The following RBFOX1 variants were observed in gnomAD, a reference collection of about 807,000 sequenced individuals.
RBFOX1 encodes the protein RNA binding fox-1 homolog 1, also known as RNA binding protein fox-1 homolog 1.
RBFOX1 carries 8 observed loss-of-function variants against 57.7 expected under a neutral mutation model. The observed-to-expected ratio is 0.14, with a 90% CI of 0.08 to 0.25. The LOEUF (loss-of-function observed/expected upper bound fraction) is 0.25. RBFOX1 is among the 10% of genes least tolerant of loss of function. The pLI, the probability that RBFOX1 is intolerant of heterozygous loss-of-function variation, is 1.00. For synonymous variants in RBFOX1, 326 were observed against 222.4 expected, an observed-to-expected ratio of 1.47 and a Z score of -4.15; for missense variants, 611 against 548.5, an observed-to-expected ratio of 1.11 and a Z score of -1.14.
At chr16:7,103,180 T>A (rs970035650) in intron 4 of RBFOX1, among the ~76,000 whole-genome samples, 2 of 152,168 alleles carry the variant, frequency 1.3e-5, no homozygotes, top group Non-Finnish European at 2.9e-5. Flanking sequence ...CACATTTCTT[T>A]CCAAGTTGTG....
chr16:5,554,129 C>A (rs577298566), intron 2 of RBFOX1, among the ~76,000 whole-genome samples: 1 of 152,042 alleles, frequency 6.6e-6, no homozygotes, highest in African/African-American at 2.4e-5. Flanking sequence ...CACCACCATG[C>A]CTGATTAATT....
At chr16:7,110,826 A>G (rs2064597354) in intron 4 of RBFOX1, among the ~76,000 whole-genome samples, 1 of 152,164 alleles carries the variant, frequency 6.6e-6, no homozygotes, top group Admixed American at 6.5e-5. Flanking sequence ...ATGTCTGTCT[A>G]TATTTATTCT....
At chr16:7,023,923 T>C (rs2040107348) in intron 3 of RBFOX1, among the ~76,000 whole-genome samples, 1 of 152,138 alleles carries the variant, frequency 6.6e-6, no homozygotes, top group African/African-American at 2.4e-5. Flanking sequence ...CAAGGAAGAC[T>C]CCCTGCTTTT....
At chr16:6,903,608 G>A (rs1178074948) in intron 3 of RBFOX1, among the ~76,000 whole-genome samples, 2 of 152,182 alleles carry the variant, frequency 1.3e-5, no homozygotes, top group Admixed American at 6.5e-5. Context: ...GGAGGTTTCA[G>A]TCAACCTGTA....
chr16:5,842,674 C>G (rs1405380184), intron 3 of RBFOX1, among the ~76,000 whole-genome samples: 1 of 152,142 alleles, frequency 6.6e-6, no homozygotes, highest in Non-Finnish European at 1.5e-5. Flanking sequence ...GAATGGATTT[C>G]TCATCGGAGG....
chr16:5,997,725 A>T (rs2060515315), intron 4 of RBFOX1, among the ~76,000 whole-genome samples: 1 of 152,238 alleles, frequency 6.6e-6, no homozygotes, highest in Admixed American at 6.5e-5. Flanking sequence ...CCAAGAGCAA[A>T]ATAAGCCTCA....
At chr16:6,372,525 G>C (rs555400613) in intron 2 of RBFOX1, among the ~76,000 whole-genome samples, 1 of 151,808 alleles carries the variant, frequency 6.6e-6, no homozygotes, top group Non-Finnish European at 1.5e-5. Flanking sequence ...AAGGATAGCT[G>C]GTTAGGATCT....
At chr16:7,289,426 A>G (rs2141470656) in intron 4 of RBFOX1, among the ~76,000 whole-genome samples, 1 of 152,272 alleles carries the variant, frequency 6.6e-6, no homozygotes, top group Non-Finnish European at 1.5e-5. Flanking sequence ...CATCATCACC[A>G]TCACCATCAT....
At position 5,629,753 on chromosome 16, in the gene RBFOX1, C is replaced by T. The variant is rs139662780; in HGVS notation, c.318+30792C>T. On this transcript the variant is annotated intron_variant, in intron 3 of 19. Transcript: ENST00000641259. ...CTTGTATTTCAGCCGAAGGACCTGA[C>T]GTCAGTGGTGAGTGCTTTCTGTTCA... Among the ~76,000 whole-genome samples, 620 of 152,294 alleles carry T rather than the reference C, an allele frequency of 4.1e-3. 5 individuals are homozygous for T. The highest frequency in any genetic ancestry group is 0.013 in the African/African-American group (561 of 41,556).
intron 15 of RBFOX1, chr16:7,710,292 G>C (rs1048645375): frequency 8.8e-7 from 1 of 1,140,212 alleles, no homozygotes; most frequent in Non-Finnish European, 1.1e-6. Context: ...TTCAACAACT[G>C]GTCCAAATTC....
intron 1 of RBFOX1, among the ~76,000 whole-genome samples, chr16:6,237,315 G>A (rs1365658808): frequency 6.6e-6 from 1 of 152,186 alleles, no homozygotes; most frequent in African/African-American, 2.4e-5. Context: ...TTTCCCTGTG[G>A]AAGAAGTTTG....
intron 3 of RBFOX1, among the ~76,000 whole-genome samples, chr16:6,865,838 C>G (rs1392708681): frequency 1.3e-5 from 2 of 152,150 alleles, no homozygotes; most frequent in Admixed American, 1.3e-4. Context: ...CAATTAACTT[C>G]TCTCTTTTTT....
chr16:6,773,854 T>C (rs955173550), intron 3 of RBFOX1: 6 of 567,774 alleles, frequency 1.1e-5, no homozygotes, highest in Non-Finnish European at 1.3e-5. Context: ...TGTGTATATA[T>C]GTGTGGATGT....
In RBFOX1 at chr16:6,831,101, A is replaced by G. The variant is rs2092678243; in HGVS notation, c.-16+176451A>G. On this transcript the variant is annotated intron_variant, in intron 3 of 15. Transcript: ENST00000550418. Reference sequence around the variant, plus strand: ...ATCTAAAGTAAAGCTGGATAGATTCATACTACTCCATTATCACTAAGGTTC... The same window carrying G: ...ATCTAAAGTAAAGCTGGATAGATTCGTACTACTCCATTATCACTAAGGTTC... Among the ~76,000 whole-genome samples, 2 of 152,224 alleles carry G rather than the reference A, an allele frequency of 1.3e-5. 1 individual carries two copies. The highest frequency in any genetic ancestry group is 4.1e-4 in the South Asian group (2 of 4,824).
chr16:6,792,574 T>G (rs1603624513), intron 3 of RBFOX1, among the ~76,000 whole-genome samples: 1 of 152,236 alleles, frequency 6.6e-6, no homozygotes, highest in East Asian at 1.9e-4. Context: ...CAACGCCATG[T>G]AGTACTGTGC....
intron 3 of RBFOX1, among the ~76,000 whole-genome samples, chr16:6,761,281 G>C (rs925689646): frequency 1.1e-4 from 16 of 152,260 alleles, no homozygotes; most frequent in South Asian, 4.1e-4. Flanking sequence ...AAGTGATTCA[G>C]AGAACTGACA....
chr16:5,341,684 G>A (rs952014462), intron 1 of RBFOX1, among the ~76,000 whole-genome samples: 10 of 152,158 alleles, frequency 6.6e-5, no homozygotes, highest in Admixed American at 3.3e-4. Context: ...TTAGGGTGAG[G>A]GCATCTTCAT....
chr16:7,462,525 T>A (rs959345266), intron 4 of RBFOX1, among the ~76,000 whole-genome samples: 6 of 152,202 alleles, frequency 3.9e-5, no homozygotes, highest in African/African-American at 1.4e-4. Flanking sequence ...AAACCCGCCA[T>A]GTATTATCTC....
At chr16:5,404,188 T>C (rs187241923) in intron 1 of RBFOX1, among the ~76,000 whole-genome samples, 1 of 152,010 alleles carries the variant, frequency 6.6e-6, no homozygotes, top group Non-Finnish European at 1.5e-5. Context: ...ATTAGTTAAT[T>C]CATACAATGT....
Sources: allele counts gnomAD v4.1 joint callset (sites outside exome capture counted in the v4.1 genomes callset), GRCh38; gene constraint gnomAD v4.1.1; transcripts MANE v1.5; gene names NCBI Gene and HGNC (gene_info 2026-07-23, HGNC 2026-07-21).